Variants in RBFOX1 observed in about 807,000 individuals in gnomAD.
RBFOX1 encodes the protein RNA binding protein fox-1 homolog 1.
A neutral mutation model predicts 57.7 loss-of-function variants in RBFOX1; 8 were observed. That is an observed-to-expected ratio of 0.14 (90% CI 0.08 to 0.25). RBFOX1 has a LOEUF of 0.25. RBFOX1 is among the 10% of genes least tolerant of loss of function. The probability of loss-of-function intolerance (pLI) is 1.00; values close to 1 mark genes in which losing one functional copy is unlikely to be tolerated. For missense variants in RBFOX1, 611 were observed against 548.5 expected (o/e 1.11, Z -1.14); for synonymous variants, 326 against 222.4 (o/e 1.47, Z -4.15).
At chr16:5,296,928 G>A (rs2063684163) in intron 1 of RBFOX1, among the ~76,000 whole-genome samples, 1 of 151,784 alleles carries the variant, frequency 6.6e-6, no homozygotes, top group African/African-American at 2.4e-5. Flanking sequence ...CTCCTGCCTC[G>A]ACCTCCCAAA....
chr16:7,642,054 G>A (rs2062905721), intron 11 of RBFOX1, among the ~76,000 whole-genome samples: 1 of 152,140 alleles, frequency 6.6e-6, no homozygotes, highest in African/African-American at 2.4e-5. Flanking sequence ...GTTTGAGATT[G>A]CAGTGATCCA....
chr16:6,450,839 GTATATATATATA>G (rs1202016714), intron 2 of RBFOX1, among the ~76,000 whole-genome samples: 1 of 13,610 alleles, frequency 7.3e-5, no homozygotes, highest in African/African-American at 3.5e-4. Flanking sequence ...ATATATATGT[GTATATATATATA>G]TATATATATA....
intron 4 of RBFOX1, among the ~76,000 whole-genome samples, chr16:7,227,593 G>C (rs370363336): frequency 6.6e-6 from 1 of 152,164 alleles, no homozygotes; most frequent in East Asian, 1.9e-4. Context: ...GCAAAGCCCG[G>C]ATGCCAGCTG....
Position 6,720,635 on chromosome 16 carries a change from G to C in RBFOX1, c.-16+65985G>C, listed in dbSNP as rs1008273957. 2.0e-5 allele frequency among the ~76,000 whole-genome samples: 3 copies of C among 152,064 alleles called. No homozygotes were observed. The East Asian group carries it at 5.8e-4, about 29-fold the overall frequency. On this transcript the variant is annotated intron_variant, in intron 3 of 15. Transcript: ENST00000550418. Reference sequence around the variant, plus strand: ...GCTGGAGAATAGTTGGGGAGAAAGAGACGTGTCGGGAGAATAGTTGGTGAG... The same window carrying C: ...GCTGGAGAATAGTTGGGGAGAAAGACACGTGTCGGGAGAATAGTTGGTGAG...
chr16:7,460,725 A>C (rs1023113581), intron 4 of RBFOX1, among the ~76,000 whole-genome samples: 2 of 151,956 alleles, frequency 1.3e-5, no homozygotes, highest in Non-Finnish European at 2.9e-5. Flanking sequence ...AAAAATTTTA[A>C]ACAATGAGAT....
At chr16:5,976,372 A>C (rs1468963555) in intron 4 of RBFOX1, among the ~76,000 whole-genome samples, 1 of 152,154 alleles carries the variant, frequency 6.6e-6, no homozygotes, top group Non-Finnish European at 1.5e-5. Flanking sequence ...ATGTTACATA[A>C]TGTGTTTTGT....
chr16:7,096,379 A>T (rs139723457), intron 4 of RBFOX1, among the ~76,000 whole-genome samples: 1 of 152,060 alleles, frequency 6.6e-6, no homozygotes, highest in African/African-American at 2.4e-5. Context: ...TCTCGGACCT[A>T]TTTTTCTCCG....
intron 3 of RBFOX1, among the ~76,000 whole-genome samples, chr16:6,759,473 C>CTGTGTG (rs71145287): frequency 1.5e-3 from 215 of 143,164 alleles, no homozygotes; most frequent in African/African-American, 5.4e-3. Flanking sequence ...TGTCAGTTGT[C>CTGTGTG]TGTGTGTGTG....
chr16:5,858,395 C>T (rs1019040238), intron 3 of RBFOX1, among the ~76,000 whole-genome samples: 3 of 152,174 alleles, frequency 2.0e-5, no homozygotes, highest in East Asian at 3.9e-4. Flanking sequence ...TCCCTGTAAA[C>T]CGGCACTGTG....
chr16:6,493,971 C>T (rs1219795492), intron 2 of RBFOX1, among the ~76,000 whole-genome samples: 2 of 152,126 alleles, frequency 1.3e-5, no homozygotes, highest in Non-Finnish European at 2.9e-5. Context: ...TTCCTGTATA[C>T]CAGAAGATAC....
intron 3 of RBFOX1, among the ~76,000 whole-genome samples, chr16:5,631,235 A>G (rs1596517004): frequency 6.6e-6 from 1 of 152,188 alleles, no homozygotes; most frequent in African/African-American, 2.4e-5. Context: ...AGGGTCTTAG[A>G]GGCTCTCTCC....
chr16:5,947,473 T>C lies in RBFOX1; in HGVS notation c.351+80138T>C, dbSNP rs1473573263. Among the ~76,000 whole-genome samples the C allele has an allele frequency of 2.0e-5, 3 of 152,178 alleles. No individual in the cohort carries two copies. Among genetic ancestry groups the C allele is most frequent in the African/African-American group, 7.2e-5 (3 of 41,432 alleles). On this transcript the variant is annotated intron_variant, in intron 4 of 19. Transcript: ENST00000641259. The surrounding 1 kb of genome is among the most constrained non-coding windows in gnomAD (Gnocchi z 7.2). ...GCCTCGAAATCTTGTGCTCAAGCCA[T>C]TTTCCTGCCTCTGCCAGTTTTTAAA... is the stretch of plus-strand genomic sequence containing the variant.
At chr16:7,602,562 G>A (rs998121401) in intron 9 of RBFOX1, among the ~76,000 whole-genome samples, 1 of 152,176 alleles carries the variant, frequency 6.6e-6, no homozygotes, top group Non-Finnish European at 1.5e-5. Flanking sequence ...TCCTGACAGT[G>A]CAGGCTCTTA....
intron 3 of RBFOX1, among the ~76,000 whole-genome samples, chr16:6,938,913 C>T (rs149723680): frequency 0.01 from 1,585 of 152,220 alleles, 29 homozygotes; most frequent in African/African-American, 0.035. Flanking sequence ...GCCTGGGTGA[C>T]ATAGTGAGAG....
intron 4 of RBFOX1, among the ~76,000 whole-genome samples, chr16:7,167,542 G>C (rs2152432461): frequency 6.6e-6 from 1 of 152,170 alleles, no homozygotes; most frequent in Admixed American, 6.5e-5. Flanking sequence ...GTCTTTGGAG[G>C]GAGTGCGACC....
At chr16:5,717,784 C>T (rs372719145) in intron 3 of RBFOX1, among the ~76,000 whole-genome samples, 5 of 152,288 alleles carry the variant, frequency 3.3e-5, no homozygotes, top group East Asian at 1.9e-4. Flanking sequence ...TGGTACTATT[C>T]GGAGGGCCTC....
At chr16:7,200,376 T>C (rs2088028497) in intron 4 of RBFOX1, among the ~76,000 whole-genome samples, 1 of 152,208 alleles carries the variant, frequency 6.6e-6, no homozygotes, top group African/African-American at 2.4e-5. Context: ...CGCATGTGCA[T>C]CGTTAAGTAT....
intron 14 of RBFOX1, among the ~76,000 whole-genome samples, chr16:7,708,653 T>A (rs1159135654): frequency 6.6e-6 from 1 of 152,192 alleles, no homozygotes; most frequent in South Asian, 2.1e-4. Flanking sequence ...TGGTGACAGC[T>A]GAATCAGGAG....
intron 14 of RBFOX1, among the ~76,000 whole-genome samples, chr16:7,707,226 C>G (rs529348826): frequency 1.1e-4 from 16 of 152,138 alleles, no homozygotes; most frequent in South Asian, 2.1e-4. Context: ...CAGTGCAAAC[C>G]TGGTATAATC....
Sources: allele counts gnomAD v4.1 joint callset (sites outside exome capture counted in the v4.1 genomes callset), GRCh38; gene constraint gnomAD v4.1.1; non-coding constraint Gnocchi (gnomAD v3.1); transcripts MANE v1.5; gene names NCBI Gene and HGNC (gene_info 2026-07-23, HGNC 2026-07-21).